Variants in CEP41 observed in about 807,000 individuals in gnomAD.
CEP41 encodes centrosomal protein 41.
A neutral mutation model predicts 44.3 loss-of-function variants in CEP41; 32 were observed. That is an observed-to-expected ratio of 0.72 (90% CI 0.54 to 0.97). CEP41 has a LOEUF of 0.97. Among genes scored for constraint, CEP41 ranks in the 50% least tolerant of loss-of-function variants. The pLI is 0.00. For synonymous variants in CEP41, 151 were observed against 168.5 expected (o/e 0.90, Z 0.80); for missense variants, 432 against 455.2 (o/e 0.95, Z 0.46).
In CEP41 at chr7:130,427,995, C is replaced by A; in HGVS notation, c.57G>T (p.Gln19His). 2 of 1,605,066 alleles carry A rather than the reference C, an allele frequency of 1.2e-6. No homozygotes were observed. Among genetic ancestry groups the A allele is most frequent in the Non-Finnish European group, 1.7e-6 (2 of 1,172,130 alleles). Residue 19 changes from glutamine (Q) to histidine (H), a missense_variant, in exon 2 of 11, where the codon CAG becomes CAT. Transcript: ENST00000223208. ...ATTTGATATGCTGGTATCTTGGGTT[C>A]TGTGGTATCCTTTTCATCAGATACT... is the stretch of plus-strand genomic sequence containing the variant. ...NPEYLMKRIPQNPRYQHIKSR... is the reference protein window; with the variant it reads ...NPEYLMKRIPHNPRYQHIKSR...
intron 1 of CEP41, among the ~76,000 whole-genome samples, chr7:130,440,136 C>T (rs111745411): frequency 0.016 from 2,482 of 152,312 alleles, 65 homozygotes; most frequent in African/African-American, 0.057. Context: ...TCTCCTGCCT[C>T]AGCCTACCGA....
intron 2 of CEP41, chr7:130,420,787 A>G (rs1797484024): frequency 1.7e-6 from 1 of 590,536 alleles, no homozygotes; most frequent in Non-Finnish European, 2.1e-6. Flanking sequence ...ATAAATAAAT[A>G]AATAAATAGG....
intron 10 of CEP41, 25 bp from the exon 11 acceptor site, chr7:130,399,064 C>G (rs782413963): frequency 6.2e-6 from 10 of 1,612,720 alleles, no homozygotes; most frequent in Non-Finnish European, 8.5e-6. Flanking sequence ...AAAGAAGGAA[C>G]AGAGCTGCAA....
chr7:130,441,303 A>C, upstream of CEP41: 2 of 468,920 alleles, frequency 4.3e-6, no homozygotes, highest in Non-Finnish European at 7.9e-6. Flanking sequence ...GGGCGGGGGC[A>C]GTGGCTTGAG....
In CEP41 at chr7:130,397,808, T is replaced by A. The variant is rs1796714182; in HGVS notation, c.*1083A>T. On this transcript the variant is annotated 3_prime_UTR_variant, in exon 11 of 11. Coordinates refer to ENST00000223208, the MANE Select transcript of CEP41 (RefSeq NM_018718.3). ...CATTTAGCAATTCAATTAATGCTGA[T>A]TCAAAATTCCGGCCAAAACCAGAAT... 1 of 443,946 alleles carries A rather than the reference T, an allele frequency of 2.3e-6. No individual in the cohort carries two copies. Among genetic ancestry groups the A allele is most frequent in the Non-Finnish European group, 4.6e-6 (1 of 218,916 alleles). The allele number at this position is 443,946 out of a possible 1,614,324, so 27.5% of individuals were successfully genotyped here.
At position 130,396,791 on chromosome 7, in the gene CEP41, A is replaced by T; in HGVS notation, c.*2100T>A. 1 of 454,102 alleles carries T rather than the reference A, an allele frequency of 2.2e-6. No individual in the cohort carries two copies. Among genetic ancestry groups the T allele is most frequent in the Non-Finnish European group, 4.4e-6 (1 of 226,734 alleles). The allele number at this position is 454,102 out of a possible 1,614,324, so 28.1% of individuals were successfully genotyped here. On this transcript the variant is annotated 3_prime_UTR_variant, in exon 11 of 11. Transcript: ENST00000223208. ...GCACTGTGGAGAAATACACATAAAT[A>T]TATCCAACCTGCCAGATCTCTCAGG...
In CEP41 at chr7:130,395,541, C is replaced by T. The variant is rs1554414132; in HGVS notation, c.*3350G>A. ...TCCAGGTGGACAGAAACTAATTATT[C>T]GCTCTAAAAAAGTCAGATAACATAA... On this transcript the variant is annotated 3_prime_UTR_variant, in exon 11 of 11. Transcript: ENST00000223208. The T allele has an allele frequency of 1.8e-5, 8 of 454,016 alleles. No individual in the cohort carries two copies. The highest frequency in any genetic ancestry group is 9.3e-5 in the South Asian group (6 of 64,474). 28.1% of individuals were successfully genotyped at this position (454,016 alleles called of 1,614,324 possible). A position where few individuals can be genotyped will look rare whatever the true frequency, so the allele number is the denominator to read the frequency against.
At position 130,395,590 on chromosome 7, in the gene CEP41, AC is replaced by A. The variant is rs1285416648; in HGVS notation, c.*3300del. 3 of 453,996 alleles carry A rather than the reference AC, an allele frequency of 6.6e-6. No individual in the cohort carries two copies. The highest frequency in any genetic ancestry group is 4.7e-5 in the Admixed American group (2 of 42,558). The allele number at this position is 453,996 out of a possible 1,614,324, so 28.1% of individuals were successfully genotyped here. On this transcript the variant is annotated 3_prime_UTR_variant, in exon 11 of 11. Transcript: ENST00000223208. ...AAAAGACAGAATCTATAGCCAATAA[AC>A]AACATGACAGAAACCAAAACCAACA...
chr7:130,400,231 A>G lies in CEP41; in HGVS notation c.781T>C (p.Phe261Leu), dbSNP rs782241458. ...SGGLKVLAQK[F>L]PEGLITGSLP... ...GAACCAGTAATCAGTCCTTCCGGGAATTTCTGAGCTAAGACTTTTAGACCT... is the reference window on the plus strand; with the variant it reads ...GAACCAGTAATCAGTCCTTCCGGGAGTTTCTGAGCTAAGACTTTTAGACCT... The change falls in exon 10 of 11, where the codon TTC (phenylalanine) becomes CTC (leucine). Residue 261 changes from phenylalanine to leucine, a missense_variant. Physicochemically the swap from Phe to Leu is conservative, Grantham distance 22. Transcript: ENST00000223208. 8.1e-6 allele frequency: 13 copies of G among 1,613,842 alleles called. No homozygotes were observed. In the Admixed American group the frequency reaches 8.3e-5, roughly 10 times the overall value.
intron 2 of CEP41, chr7:130,417,225 G>A (rs879999045): frequency 1.5e-6 from 2 of 1,291,308 alleles, no homozygotes; most frequent in Non-Finnish European, 9.9e-7. Flanking sequence ...ACAAGTTCCA[G>A]GAGATACAGA....
At chr7:130,406,365 C>T (rs1218144456) in intron 5 of CEP41, among the ~76,000 whole-genome samples, 3 of 152,096 alleles carry the variant, frequency 2.0e-5, no homozygotes, top group African/African-American at 4.8e-5. Flanking sequence ...GGGTGGATCA[C>T]TTGAGGTCAG....
Position 130,394,105 on chromosome 7 carries a change from G to GA in CEP41, c.*4785dup. ...AGGGAAGGGAAGCCAATAGCGAAGGGAAAGGTACATTTTCACGGTAAGTTA... is the reference window on the plus strand; with the variant it reads ...AGGGAAGGGAAGCCAATAGCGAAGGGAAAAGGTACATTTTCACGGTAAGTTA... On this transcript the variant is annotated 3_prime_UTR_variant, in exon 11 of 11. Coordinates refer to ENST00000223208, the MANE Select transcript of CEP41 (RefSeq NM_018718.3). 1 of 454,110 alleles carries GA rather than the reference G, an allele frequency of 2.2e-6. No individual in the cohort carries two copies. The allele number at this position is 454,110 out of a possible 1,614,324, so 28.1% of individuals were successfully genotyped here. A position where few individuals can be genotyped will look rare whatever the true frequency, so the allele number is the denominator to read the frequency against.
intron 2 of CEP41, among the ~76,000 whole-genome samples, chr7:130,425,444 A>G (rs1797633172): frequency 6.6e-6 from 1 of 152,166 alleles, no homozygotes; most frequent in Non-Finnish European, 1.5e-5. Context: ...CAAAACTGCA[A>G]TGATATATGC....
intron 10 of CEP41, 147 bp downstream of exon 10, chr7:130,399,892 A>C (rs1584867196): frequency 1.4e-6 from 1 of 714,696 alleles, no homozygotes; most frequent in Non-Finnish European, 2.5e-6. Flanking sequence ...ATCTGGGGTC[A>C]CCTCCACTGC....
Position 130,402,906 on chromosome 7 carries a change from G to A in CEP41, c.423-107C>T, listed in dbSNP as rs530639846. 206 of 1,197,456 alleles carry A rather than the reference G, an allele frequency of 1.7e-4. No individual in the cohort carries two copies. The African/African-American group carries it at 2.7e-3, about 15-fold the overall frequency. The allele number at this position is 1,197,456 out of a possible 1,614,324, so 74.2% of individuals were successfully genotyped here. On this transcript the variant is annotated intron_variant, in intron 6 of 10. Transcript: ENST00000223208. ...GGTGAGTGCTCAATGTCTTTTCAAA[G>A]GACGCTTCAAAGGCAAAGGAAAATG...
chr7:130,426,442 GA>G lies in CEP41; in HGVS notation c.97+1512del, dbSNP rs782455369. Among the ~76,000 whole-genome samples, 113 of 69,850 alleles carry G rather than the reference GA, an allele frequency of 1.6e-3. 1 individual carries two copies. The highest frequency in any genetic ancestry group is 8.4e-3 in the East Asian group (20 of 2,394). The allele number at this position is 69,850 out of a possible 152,430, so 45.8% of individuals were successfully genotyped here. On this transcript the variant is annotated intron_variant, in intron 2 of 10. Coordinates refer to ENST00000223208, the MANE Select transcript of CEP41 (RefSeq NM_018718.3). ...TCCCAGTTTAATTTCCAGGAGGAAAGAAAAAAAAAAAAACAAACTATGAAGG... is the reference window on the plus strand; with the variant it reads ...TCCCAGTTTAATTTCCAGGAGGAAAGAAAAAAAAAAAACAAACTATGAAGG...
chr7:130,428,119 A>G, intron 1 of CEP41, 101 bp from the exon 2 acceptor site: 1 of 823,520 alleles, frequency 1.2e-6, no homozygotes, highest in Non-Finnish European at 2.0e-6. Flanking sequence ...AAAGTGCTAA[A>G]ATTTCTTAGA....
chr7:130,398,306 G>A lies in CEP41; in HGVS notation c.*585C>T. On this transcript the variant is annotated 3_prime_UTR_variant, in exon 11 of 11. Transcript: ENST00000223208. The stretch of plus-strand genomic sequence containing the variant: ...CAATTTCAGTGAGTACACAGGCACT[G>A]GCTTCCATACTCAAAACAGGGCCTG... The A allele has an allele frequency of 2.2e-6, 1 of 454,088 alleles. No individual in the cohort carries two copies. The highest frequency in any genetic ancestry group is 4.4e-6 in the Non-Finnish European group (1 of 226,788). 28.1% of individuals were successfully genotyped at this position (454,088 alleles called of 1,614,324 possible).
chr7:130,428,862 G>C (rs1797742703), intron 1 of CEP41, among the ~76,000 whole-genome samples: 1 of 151,840 alleles, frequency 6.6e-6, no homozygotes, highest in Non-Finnish European at 1.5e-5. Context: ...GGTGAGCGGA[G>C]ATCGTGCCAC....
Sources: gnomAD v4.1 joint callset for allele counts (sites outside exome capture counted in the v4.1 genomes callset) on GRCh38, gnomAD v4.1.1 for gene constraint, MANE v1.5 for transcripts, NCBI Gene and HGNC (gene_info 2026-07-23, HGNC 2026-07-21) for gene names.